Variants in ATP2B4 observed in about 807,000 individuals in gnomAD.
ATP2B4 encodes plasma membrane calcium-transporting ATPase 4.
A neutral mutation model predicts 110.3 loss-of-function variants in ATP2B4; 39 were observed. That is an observed-to-expected ratio of 0.35 (90% CI 0.27 to 0.46). The LOEUF (loss-of-function observed/expected upper bound fraction) is 0.46, where lower values mean the gene tolerates loss of function less well. Among genes scored for constraint, ATP2B4 ranks in the 20% least tolerant of loss-of-function variants. The pLI, the probability that ATP2B4 is intolerant of heterozygous loss-of-function variation, is 1.00. For missense variants in ATP2B4, 1,135 were observed against 1,530.9 expected, an observed-to-expected ratio of 0.74 and a Z score of 4.32; for synonymous variants, 538 against 571.7, an observed-to-expected ratio of 0.94 and a Z score of 0.84.
intron 20 of ATP2B4, chr1:203,733,318 T>C: frequency 6.2e-7 from 1 of 1,614,174 alleles, no homozygotes; most frequent in Non-Finnish European, 8.5e-7. Context: ...AACTTGTTCC[T>C]AGTTCATCCT....
chr1:203,719,225 G>GAAAAAAAAAAAAAAAAAAA (rs60841821), intron 15 of ATP2B4, among the ~76,000 whole-genome samples: 27 of 54,400 alleles, frequency 5.0e-4, no homozygotes, highest in African/African-American at 2.0e-3. Context: ...ACCCTGTCTC[G>GAAAAAAAAAAAAAAAAAAA]AAAAAAAAAA....
intron 7 of ATP2B4, among the ~76,000 whole-genome samples, chr1:203,702,391 A>T (rs2102388814): frequency 6.6e-6 from 1 of 152,234 alleles, no homozygotes. Context: ...CCTCAGCCTG[A>T]TTTAAACACC....
chr1:203,681,380 C>T (rs1665004839), intron 1 of ATP2B4, among the ~76,000 whole-genome samples: 1 of 152,158 alleles, frequency 6.6e-6, no homozygotes, highest in African/African-American at 2.4e-5. Context: ...GGTTCTTGTG[C>T]TTCTTTGTTC....
intron 1 of ATP2B4, among the ~76,000 whole-genome samples, chr1:203,653,811 C>T (rs925358768): frequency 6.6e-6 from 1 of 152,010 alleles, no homozygotes; most frequent in Non-Finnish European, 1.5e-5. Context: ...CCCTCCTTGG[C>T]CTCACAAAGT....
At chr1:203,678,775 C>T (rs12033615) in intron 1 of ATP2B4, among the ~76,000 whole-genome samples, 3,533 of 152,190 alleles carry the variant, frequency 0.023, 117 homozygotes, top group East Asian at 0.15. Context: ...AGAGAAGGAG[C>T]AAAGTGTAAC....
At chr1:203,667,855 G>A (rs1359248665) in intron 1 of ATP2B4, among the ~76,000 whole-genome samples, 1 of 152,180 alleles carries the variant, frequency 6.6e-6, no homozygotes, top group Non-Finnish European at 1.5e-5. Flanking sequence ...CTAAAGGGAG[G>A]AAAGTGACCC....
intron 1 of ATP2B4, among the ~76,000 whole-genome samples, chr1:203,671,899 C>T (rs2102345615): frequency 6.6e-6 from 1 of 152,314 alleles, no homozygotes; most frequent in Non-Finnish European, 1.5e-5. Flanking sequence ...CTAGAGTGAG[C>T]AGGCTCCTTG....
At position 203,699,710 on chromosome 1, in the gene ATP2B4, C is replaced by A; in HGVS notation, c.642C>A (p.Val214=). 2 of 1,613,872 alleles carry A rather than the reference C, an allele frequency of 1.2e-6. No individual in the cohort carries two copies. The highest frequency in any genetic ancestry group is 1.3e-5 in the African/African-American group (1 of 75,034). The change falls in exon 4 of 21, where the codon GTC becomes GTA. Residue 214 remains valine (V), a synonymous_variant. Transcript: ENST00000357681. ...TTGTGGTTGGTGATATTGCCCAAGT[C>A]AAATACGGTGAGAGCTCCGTGTTTC... is the stretch of plus-strand genomic sequence containing the variant. ...AEIVVGDIAQ[V]KYGDLLPADG... is the part of the protein sequence containing the mutation.
rs1665655758 is a variant in ATP2B4 at position 203,700,370 on chromosome 1, T to C, written c.775+39T>C. The C allele has an allele frequency of 3.1e-6, 5 of 1,590,820 alleles. No individual in the cohort carries two copies. In the Admixed American group the frequency reaches 8.7e-5, roughly 28 times the overall value. On this transcript the variant is annotated intron_variant, in intron 5 of 20. Transcript: ENST00000357681. ...CTGCCCAAGTTCCCATTTACCTCCCTGCAAACACCTAGGCCACAGGATCCA... is the reference window on the plus strand; with the variant it reads ...CTGCCCAAGTTCCCATTTACCTCCCCGCAAACACCTAGGCCACAGGATCCA...
At chr1:203,714,946 A>G (rs548336963) in intron 15 of ATP2B4, among the ~76,000 whole-genome samples, 1 of 152,186 alleles carries the variant, frequency 6.6e-6, no homozygotes, top group African/African-American at 2.4e-5. Context: ...TATTCTAGGA[A>G]ATTTCAAGAA....
rs1558045850 is a variant in ATP2B4 at position 203,710,991 on chromosome 1, C to T, written c.1914C>T (p.Ile638=). 1 of 1,614,100 alleles carries T rather than the reference C, an allele frequency of 6.2e-7. No homozygotes were observed. The highest frequency in any genetic ancestry group is 8.5e-7 in the Non-Finnish European group (1 of 1,180,012). Residue 638 remains isoleucine (I), a synonymous_variant, in exon 12 of 21, where the codon ATC becomes ATT. Transcript: ENST00000357681. The part of the protein sequence containing the change: ...EPMACDGLRT[I]CIAYRDFDDT... ...TGGCCTGTGATGGACTCCGGACTAT[C>T]TGCATAGCTTACCGGGACTTCGATG...
At chr1:203,704,387 T>G (rs754653155) in intron 8 of ATP2B4, among the ~76,000 whole-genome samples, 1 of 151,562 alleles carries the variant, frequency 6.6e-6, no homozygotes, top group Non-Finnish European at 1.5e-5. Flanking sequence ...CCACCTTCTT[T>G]CAATGGAGGG....
At chr1:203,668,014 G>A (rs543060120) in intron 1 of ATP2B4, among the ~76,000 whole-genome samples, 2 of 152,288 alleles carry the variant, frequency 1.3e-5, no homozygotes, top group African/African-American at 4.8e-5. Flanking sequence ...AGATGCCTAT[G>A]AAAGTTTCAC....
In ATP2B4 at chr1:203,740,930, A is replaced by T. The variant is rs1316258879; in HGVS notation, c.*1076A>T. The stretch of plus-strand genomic sequence containing the variant: ...ACCACTGCTTTCAAAGCCATCTGCC[A>T]AGGCTCTCCAGGGCAGGACCTGACT... On this transcript the variant is annotated 3_prime_UTR_variant, in exon 21 of 21. Transcript: ENST00000357681. The T allele has an allele frequency of 1.3e-5, 2 of 152,288 alleles. No individual in the cohort carries two copies. The highest frequency in any genetic ancestry group is 2.9e-5 in the Non-Finnish European group (2 of 68,104). The allele number at this position is 152,288 out of a possible 1,614,324, so 9.4% of individuals were successfully genotyped here.
At chr1:203,641,249 C>T (rs188839288) in intron 1 of ATP2B4, among the ~76,000 whole-genome samples, 9 of 152,296 alleles carry the variant, frequency 5.9e-5, no homozygotes, top group Admixed American at 3.9e-4. Flanking sequence ...CTTAGCTCTC[C>T]GAAGTAAATT....
chr1:203,684,191 T>C (rs980637665), intron 2 of ATP2B4, among the ~76,000 whole-genome samples: 5 of 152,086 alleles, frequency 3.3e-5, no homozygotes, highest in African/African-American at 7.2e-5. Flanking sequence ...AGCTGCCCAA[T>C]TGAGCACTTC....
chr1:203,708,131 T>TA (rs1380808951), intron 10 of ATP2B4, 27 bp downstream of exon 10: 1 of 1,611,298 alleles, frequency 6.2e-7, no homozygotes, highest in African/African-American at 1.3e-5. Flanking sequence ...CGTAGACACT[T>TA]AGAGTGGGTG....
At chr1:203,704,082 C>T (rs1414707169) in intron 8 of ATP2B4, among the ~76,000 whole-genome samples, 1 of 152,182 alleles carries the variant, frequency 6.6e-6, no homozygotes, top group Non-Finnish European at 1.5e-5. Context: ...GCATATATTA[C>T]AGCAGGGGAG....
At chr1:203,699,897 A>AAACTCTGTCG (rs1665639929) in intron 4 of ATP2B4, among the ~76,000 whole-genome samples, 180 bp downstream of exon 4, 1 of 152,220 alleles carries the variant, frequency 6.6e-6, no homozygotes, top group Admixed American at 6.5e-5. Flanking sequence ...GGAGTAGCTG[A>AAACTCTGTCG]AACTCTGTCG....
Sources: allele counts gnomAD v4.1 joint callset (sites outside exome capture counted in the v4.1 genomes callset), GRCh38; gene constraint gnomAD v4.1.1; transcripts MANE v1.5; gene names NCBI Gene and HGNC (gene_info 2026-07-23, HGNC 2026-07-21).